The following HIVEP1 variants were observed in gnomAD, a reference collection of about 807,000 sequenced individuals.
HIVEP1 encodes zinc finger protein 40.
Under a neutral mutation model 180.0 loss-of-function variants are expected in HIVEP1, and 36 were observed. The ratio of observed to expected loss-of-function variants is 0.20; its 90% CI spans 0.15 to 0.26. The LOEUF (loss-of-function observed/expected upper bound fraction) is 0.26. HIVEP1 is among the 10% of genes least tolerant of loss of function. The pLI is 1.00. For synonymous variants in HIVEP1, 1,239 were observed against 1,239.0 expected (o/e 1.00, Z 0.00); for missense variants, 3,143 against 3,268.7 (o/e 0.96, Z 0.94).
At chr6:12,088,277 C>T (rs116112663) in intron 2 of HIVEP1, among the ~76,000 whole-genome samples, 1,781 of 152,174 alleles carry the variant, frequency 0.012, 39 homozygotes, top group African/African-American at 0.041. Flanking sequence ...TGTACTTACA[C>T]ATTTGGGATA....
At chr6:12,014,380 T>A (rs1348220810) in intron 1 of HIVEP1, among the ~76,000 whole-genome samples, 1 of 152,230 alleles carries the variant, frequency 6.6e-6, no homozygotes, top group African/African-American at 2.4e-5. Flanking sequence ...TCCAATTTTT[T>A]TTTAATCTGT....
chr6:12,141,326 G>C (rs187407314), intron 7 of HIVEP1, among the ~76,000 whole-genome samples: 1 of 152,208 alleles, frequency 6.6e-6, no homozygotes, highest in Non-Finnish European at 1.5e-5. Flanking sequence ...AATGCTGAGA[G>C]ATTTTGTCAC....
intron 2 of HIVEP1, among the ~76,000 whole-genome samples, chr6:12,064,993 A>G (rs1303246125): frequency 6.6e-6 from 1 of 152,192 alleles, no homozygotes; most frequent in Non-Finnish European, 1.5e-5. Context: ...TTCTATCTTC[A>G]GGTTGCTAAA....
chr6:12,103,347 G>C (rs1181702827), intron 3 of HIVEP1, among the ~76,000 whole-genome samples: 1 of 152,088 alleles, frequency 6.6e-6, no homozygotes, highest in Non-Finnish European at 1.5e-5. Context: ...GATAATGAAG[G>C]CTCAATAATA....
intron 2 of HIVEP1, among the ~76,000 whole-genome samples, chr6:12,054,790 T>A (rs1432450522): frequency 1.3e-5 from 2 of 152,240 alleles, no homozygotes; most frequent in African/African-American, 4.8e-5. Flanking sequence ...TTGTGCTTCT[T>A]GCTCATTAAA....
intron 2 of HIVEP1, among the ~76,000 whole-genome samples, chr6:12,083,867 C>T (rs1772947958): frequency 6.6e-6 from 1 of 152,040 alleles, no homozygotes; most frequent in African/African-American, 2.4e-5. Flanking sequence ...AGCTTTGCTT[C>T]CTATTTTCTG....
At chr6:12,201,742 C>T in the HIVEP1 span, among the ~76,000 whole-genome samples, 1 of 152,126 alleles carries the variant, frequency 6.6e-6, no homozygotes. Context: ...TTAAGGGATG[C>T]TTGCAAAAAG....
At position 12,164,116 on chromosome 6, in the gene HIVEP1, T is replaced by A; in HGVS notation, c.7812T>A (p.Pro2604=). The A allele has an allele frequency of 6.2e-7, 1 of 1,614,146 alleles. No homozygotes were observed. The highest frequency in any genetic ancestry group is 8.5e-7 in the Non-Finnish European group (1 of 1,180,010). The part of the protein sequence containing the change: ...VSRTESPQGL[P]TVQRENAKKV... ...GGACCGAGTCTCCTCAGGGGTTACCTACAGTCCAGCGGGAAAATGCAAAAA... is the reference window on the plus strand; with the variant it reads ...GGACCGAGTCTCCTCAGGGGTTACCAACAGTCCAGCGGGAAAATGCAAAAA... The change falls in exon 9 of 9, where the codon CCT becomes CCA. Residue 2604 remains proline, a synonymous_variant. Transcript: ENST00000379388.
chr6:12,199,061 G>A, the HIVEP1 span, among the ~76,000 whole-genome samples: 1 of 152,242 alleles, frequency 6.6e-6, no homozygotes, highest in Non-Finnish European at 1.5e-5. Context: ...AGCAGTCACT[G>A]TGCCAGGAGT....
intron 2 of HIVEP1, among the ~76,000 whole-genome samples, chr6:12,015,962 T>G (rs1274833019): frequency 6.6e-6 from 1 of 152,222 alleles, no homozygotes; most frequent in Non-Finnish European, 1.5e-5. Flanking sequence ...CATATTTGGG[T>G]CAAGGAATCT....
At chr6:12,028,852 T>G (rs1246120573) in intron 2 of HIVEP1, among the ~76,000 whole-genome samples, 3 of 152,234 alleles carry the variant, frequency 2.0e-5, no homozygotes, top group Non-Finnish European at 2.9e-5. Context: ...TTGAGCTTAT[T>G]TGCAACCAAT....
intron 2 of HIVEP1, among the ~76,000 whole-genome samples, chr6:12,073,610 T>C (rs976713774): frequency 1.3e-5 from 2 of 152,158 alleles, no homozygotes; most frequent in Non-Finnish European, 2.9e-5. Flanking sequence ...CCTTTAAGGG[T>C]CAACACATCT....
chr6:12,152,082 G>A (rs1759738578), intron 7 of HIVEP1, among the ~76,000 whole-genome samples: 1 of 152,086 alleles, frequency 6.6e-6, no homozygotes, highest in African/African-American at 2.4e-5. Flanking sequence ...CTTGAACCTG[G>A]GAGGCAGAGG....
intron 3 of HIVEP1, among the ~76,000 whole-genome samples, chr6:12,090,910 G>A (rs1014391336): frequency 6.6e-6 from 1 of 151,980 alleles, no homozygotes; most frequent in African/African-American, 2.4e-5. Context: ...TCTAGAAAGA[G>A]AAATTGGATA....
intron 7 of HIVEP1, 93 bp from the exon 8 acceptor site, chr6:12,161,346 T>C (rs1440953091): frequency 3.3e-6 from 4 of 1,212,890 alleles, no homozygotes; most frequent in African/African-American, 3.0e-5. Context: ...TTTATAATCC[T>C]TGCAGAGTTG....
intron 2 of HIVEP1, among the ~76,000 whole-genome samples, chr6:12,053,495 C>CA (rs1009157244): frequency 1.3e-4 from 19 of 151,200 alleles, no homozygotes; most frequent in East Asian, 7.7e-4. Context: ...TAGGATATGA[C>CA]AAAAAAAACA....
the HIVEP1 span, among the ~76,000 whole-genome samples, chr6:12,203,013 A>G: frequency 6.6e-6 from 1 of 152,228 alleles, no homozygotes; most frequent in Non-Finnish European, 1.5e-5. Flanking sequence ...AGATTCCAAA[A>G]AAGGACAAAC....
chr6:12,133,649 T>C (rs1758548886), intron 6 of HIVEP1, among the ~76,000 whole-genome samples: 1 of 152,196 alleles, frequency 6.6e-6, no homozygotes, highest in African/African-American at 2.4e-5. Context: ...TCTTAAAAAG[T>C]AAATAACCTG....
intron 7 of HIVEP1, among the ~76,000 whole-genome samples, chr6:12,153,572 A>C (rs1285044268): frequency 6.1e-4 from 2 of 3,304 alleles, no homozygotes; most frequent in Non-Finnish European, 1.4e-3. Context: ...TAAGAAATGC[A>C]AAAAAAAAAA....
Sources: allele counts gnomAD v4.1 joint callset (sites outside exome capture counted in the v4.1 genomes callset), GRCh38; gene constraint gnomAD v4.1.1; transcripts MANE v1.5; gene names NCBI Gene and HGNC (gene_info 2026-07-23, HGNC 2026-07-21).